GLYATL1B: variants seen among roughly 807,000 people sequenced by gnomAD.
The protein encoded by GLYATL1B is putative glycine N-acyltransferase-like protein 1B.
Under a neutral mutation model 5.5 loss-of-function variants are expected in GLYATL1B, and 6 were observed. That is an observed-to-expected ratio of 1.09 (90% CI 0.60 to 2.15). The LOEUF is 2.15. Ranked by LOEUF, GLYATL1B falls within the 30% of genes most tolerant of loss-of-function variation. GLYATL1B has a pLI of 0.00. For synonymous variants in GLYATL1B, 67 were observed against 34.9 expected (o/e 1.92, Z -3.24); for missense variants, 135 against 94.1 (o/e 1.43, Z -1.80).
At chr11:59,090,009 C>A (rs1859274381) in intron 2 of GLYATL1B, among the ~76,000 whole-genome samples, 1 of 151,970 alleles carries the variant, frequency 6.6e-6, no homozygotes, top group South Asian at 2.1e-4. Flanking sequence ...TTTTGAATAG[C>A]ATGAATTAAC....
chr11:59,093,734 G>A, intron 3 of GLYATL1B, 79 bp downstream of exon 3: 1 of 436,784 alleles, frequency 2.3e-6, no homozygotes, highest in South Asian at 1.1e-4. Context: ...CATCACCTGA[G>A]AGCTCATTAG....
At chr11:59,091,981 C>T (rs566070836) in intron 2 of GLYATL1B, among the ~76,000 whole-genome samples, 7 of 152,200 alleles carry the variant, frequency 4.6e-5, no homozygotes, top group African/African-American at 7.2e-5. Flanking sequence ...ATTTCATTTC[C>T]GATATTTCTA....
chr11:59,088,119 T>C (rs1309823922), intron 2 of GLYATL1B, among the ~76,000 whole-genome samples: 6 of 152,208 alleles, frequency 3.9e-5, no homozygotes, highest in Non-Finnish European at 2.9e-5. Flanking sequence ...CCATAGGCCC[T>C]TCTGTGAGTT....
chr11:59,087,104 T>C lies in GLYATL1B; in HGVS notation c.119T>C (p.Phe40Ser), dbSNP rs1859207215. 8.8e-6 allele frequency: 6 copies of C among 683,930 alleles called. No individual in the cohort carries two copies. Among genetic ancestry groups the C allele is most frequent in the Middle Eastern group, 2.5e-4 (1 of 4,062 alleles). 42.4% of individuals were successfully genotyped at this position (683,930 alleles called of 1,614,324 possible). Reference sequence around the variant, plus strand: ...TTTCACATCAATCACGGGAACCCCTTCAACATGGAAGTGTTGGTGGACTCC... The same window carrying C: ...TTTCACATCAATCACGGGAACCCCTCCAACATGGAAGTGTTGGTGGACTCC... ...SLFHINHGNP[F>S]NMEVLVDSWP... Residue 40 changes from phenylalanine (F) to serine (S), a missense_variant, in exon 2 of 5, where the codon TTC becomes TCC. Coordinates refer to ENST00000527482, the MANE Select transcript of GLYATL1B (RefSeq NM_001355566.1).
At chr11:59,087,679 T>C (rs1859218422) in intron 2 of GLYATL1B, among the ~76,000 whole-genome samples, 1 of 152,014 alleles carries the variant, frequency 6.6e-6, no homozygotes, top group South Asian at 2.1e-4. Context: ...ACCTCATCTC[T>C]ACAAAAAAAT....
chr11:59,089,141 T>C (rs1406328195), intron 2 of GLYATL1B, among the ~76,000 whole-genome samples: 1 of 152,208 alleles, frequency 6.6e-6, no homozygotes, highest in Non-Finnish European at 1.5e-5. Context: ...CTTTTTAATT[T>C]GCCTTTGACA....
intron 2 of GLYATL1B, among the ~76,000 whole-genome samples, chr11:59,091,917 C>T (rs1236751050): frequency 1.3e-5 from 2 of 152,108 alleles, no homozygotes; most frequent in South Asian, 2.1e-4. Flanking sequence ...TGTAGCAACA[C>T]GGATGGAGCT....
At chr11:59,087,896 T>A (rs1859223082) in intron 2 of GLYATL1B, among the ~76,000 whole-genome samples, 1 of 152,216 alleles carries the variant, frequency 6.6e-6, no homozygotes, top group Admixed American at 6.5e-5. Flanking sequence ...GACACACAAT[T>A]ACTTTGTGTC....
chr11:59,094,478 T>G lies in GLYATL1B; in HGVS notation c.601T>G (p.Cys201Gly). 1.3e-6 allele frequency: 1 copy of G among 745,116 alleles called. No individual in the cohort carries two copies. The allele number at this position is 745,116 out of a possible 1,614,324, so 46.2% of individuals were successfully genotyped here. The stretch of plus-strand genomic sequence containing the variant: ...GAGGAGCCTGCGTTACATCAAGCGC[T>G]GCCTAGGAGCCCTGCCAGCAGCCTG... The part of the protein sequence containing the change: ...NKRSLRYIKR[C>G]LGALPAACML... The change falls in exon 5 of 5, where the codon TGC (cysteine) becomes GGC (glycine). Residue 201 changes from cysteine to glycine, a missense_variant. Physicochemically the swap from Cys to Gly is radical, Grantham distance 159. Transcript: ENST00000527482.
intron 1 of GLYATL1B, among the ~76,000 whole-genome samples, chr11:59,086,676 T>G (rs1006273561): frequency 2.0e-5 from 3 of 152,214 alleles, no homozygotes; most frequent in African/African-American, 7.2e-5. Flanking sequence ...GCTGCCATTT[T>G]TTAGTCAGAT....
intron 2 of GLYATL1B, among the ~76,000 whole-genome samples, chr11:59,090,868 T>C (rs548512326): frequency 2.0e-4 from 31 of 152,152 alleles, no homozygotes; most frequent in Non-Finnish European, 3.8e-4. Context: ...ATTCCTGATT[T>C]TAATGAAATA....
chr11:59,092,370 T>C (rs1859333352), intron 2 of GLYATL1B, among the ~76,000 whole-genome samples: 1 of 152,190 alleles, frequency 6.6e-6, no homozygotes, highest in Non-Finnish European at 1.5e-5. Context: ...TAGTCTACTT[T>C]GATATTCTTT....
chr11:59,093,952 G>T lies in GLYATL1B; in HGVS notation c.332G>T (p.Gly111Val), dbSNP rs563991825. ...LQIQGFQESLGEGIRAAAFSN... is the reference protein window; with the variant it reads ...LQIQGFQESLVEGIRAAAFSN... Reference sequence around the variant, plus strand: ...CTCTCAGGTTTTCAAGAAAGTTTAGGTGAGGGGATAAGAGCAGCTGCATTT... The same window carrying T: ...CTCTCAGGTTTTCAAGAAAGTTTAGTTGAGGGGATAAGAGCAGCTGCATTT... The change falls in exon 4 of 5, where the codon GGT (glycine) becomes GTT (valine). Residue 111 changes from glycine (G) to valine (V), a missense_variant. Physicochemically the swap from Gly to Val is moderately radical, Grantham distance 109. Coordinates refer to ENST00000527482, the MANE Select transcript of GLYATL1B (RefSeq NM_001355566.1). 13 of 683,768 alleles carry T rather than the reference G, an allele frequency of 1.9e-5. No individual in the cohort carries two copies. Among genetic ancestry groups the T allele is most frequent in the Middle Eastern group, 2.4e-4 (1 of 4,082 alleles). The allele number at this position is 683,768 out of a possible 1,614,324, so 42.4% of individuals were successfully genotyped here. A position where few individuals can be genotyped will look rare whatever the true frequency, so the allele number is the denominator to read the frequency against.
intron 2 of GLYATL1B, among the ~76,000 whole-genome samples, chr11:59,090,204 A>C (rs2135382283): frequency 6.6e-6 from 1 of 152,038 alleles, no homozygotes; most frequent in South Asian, 2.1e-4. Flanking sequence ...GGCAAATTTT[A>C]ATATCTAATA....
At chr11:59,093,888 A>C (rs1301058914) in intron 3 of GLYATL1B, 46 bp from the exon 4 acceptor site, 3 of 623,968 alleles carry the variant, frequency 4.8e-6, no homozygotes, top group Non-Finnish European at 8.6e-6. Context: ...CAGTGTAAGT[A>C]GAGAACTGCA....
intron 2 of GLYATL1B, among the ~76,000 whole-genome samples, chr11:59,089,087 T>G (rs1859253837): frequency 6.6e-6 from 1 of 152,186 alleles, no homozygotes; most frequent in East Asian, 1.9e-4. Flanking sequence ...CTTGGCCATA[T>G]TAACACACAA....
chr11:59,094,653 A>G lies in GLYATL1B; in HGVS notation c.776A>G (p.Asn259Ser), dbSNP rs140510592. The G allele has an allele frequency of 4.6e-3, 1,973 of 431,670 alleles. 35 individuals carry two copies. The highest frequency in any genetic ancestry group is 0.037 in the African/African-American group (1,813 of 49,532). The allele number at this position is 431,670 out of a possible 1,614,324, so 26.7% of individuals were successfully genotyped here. A position where few individuals can be genotyped will look rare whatever the true frequency, so the allele number is the denominator to read the frequency against. ...TGCATGAAGTATCTGTGTCAGAAGA[A>G]TATTCCATTTTACGGCTCTGTGCTG... ...MRCMKYLCQKNIPFYGSVLEE... is the reference protein window; with the variant it reads ...MRCMKYLCQKSIPFYGSVLEE... The change falls in exon 5 of 5, where the codon AAT becomes AGT. Residue 259 changes from asparagine to serine, a missense_variant. By Grantham distance (46) the Asn-to-Ser change is conservative (BLOSUM62 1). Coordinates refer to ENST00000527482, the MANE Select transcript of GLYATL1B (RefSeq NM_001355566.1).
At chr11:59,086,451 A>G (rs1357916414) in intron 1 of GLYATL1B, 67 bp downstream of exon 1, 1 of 397,424 alleles carries the variant, frequency 2.5e-6, no homozygotes, top group Non-Finnish European at 4.4e-6. Flanking sequence ...TAACAGGCTC[A>G]TGAATCTCGT....
At chr11:59,087,751 G>A (rs369267178) in intron 2 of GLYATL1B, among the ~76,000 whole-genome samples, 8 of 152,232 alleles carry the variant, frequency 5.3e-5, no homozygotes, top group South Asian at 4.2e-4. Flanking sequence ...GGAGATGGAG[G>A]TGGGAGGATG....
Sources: gnomAD v4.1 joint callset for allele counts (sites outside exome capture counted in the v4.1 genomes callset) on GRCh38, gnomAD v4.1.1 for gene constraint, MANE v1.5 for transcripts, NCBI Gene and HGNC (gene_info 2026-07-23, HGNC 2026-07-21) for gene names.